RBM19: variants seen among roughly 807,000 people sequenced by gnomAD.
The protein encoded by RBM19 is probable RNA-binding protein 19.
A neutral mutation model predicts 116.8 loss-of-function variants in RBM19; 94 were observed. The ratio of observed to expected loss-of-function variants is 0.80; its 90% CI spans 0.68 to 0.95. The LOEUF (loss-of-function observed/expected upper bound fraction) is 0.95, where lower values mean the gene tolerates loss of function less well. Ranked by LOEUF, RBM19 falls within the 40% of genes least tolerant of loss-of-function variation. RBM19 has a pLI of 0.00. For synonymous variants in RBM19, 475 were observed against 494.1 expected, an observed-to-expected ratio of 0.96 and a Z score of 0.51; for missense variants, 1,161 against 1,220.7, an observed-to-expected ratio of 0.95 and a Z score of 0.73.
intron 14 of RBM19, 48 bp from the exon 15 acceptor site, chr12:113,940,208 TC>T: frequency 1.9e-6 from 3 of 1,541,572 alleles, no homozygotes; most frequent in Non-Finnish European, 1.8e-6. Flanking sequence ...GGGAGGAGGG[TC>T]CCCAGCTGAC....
chr12:113,920,789 T>G, intron 18 of RBM19, 99 bp from the exon 19 acceptor site: 1 of 1,057,248 alleles, frequency 9.5e-7, no homozygotes, highest in Non-Finnish European at 1.4e-6. Flanking sequence ...CTGTATTTCC[T>G]CTTCTTTTCA....
rs748635536 is a variant in RBM19, at chr12:113,825,719, C to A, written c.2786-2398G>T. ...GGACTGGCGAGGGGCGAGTTCTAGC[C>A]CCATCCATTGTGTCGGCTCAACCTG... On this transcript the variant is annotated intron_variant, in intron 23 of 23. Coordinates refer to ENST00000261741, the MANE Select transcript of RBM19 (RefSeq NM_016196.4). The surrounding 1 kb of genome is among the most constrained non-coding windows in gnomAD (Gnocchi z 5.7). Among the ~76,000 whole-genome samples the A allele has an allele frequency of 2.0e-5, 3 of 149,760 alleles. No homozygotes were observed. The highest frequency in any genetic ancestry group is 2.9e-5 in the Non-Finnish European group (2 of 68,002).
intron 20 of RBM19, among the ~76,000 whole-genome samples, chr12:113,916,408 A>G (rs1882777228): frequency 6.6e-6 from 1 of 152,200 alleles, no homozygotes; most frequent in South Asian, 2.1e-4. Flanking sequence ...CTCCGTCTCA[A>G]AAAAATAGAA....
At chr12:113,856,660 C>G (rs921016801) in intron 22 of RBM19, among the ~76,000 whole-genome samples, 1 of 152,166 alleles carries the variant, frequency 6.6e-6, no homozygotes, top group African/African-American at 2.4e-5. Flanking sequence ...GTTGACATCA[C>G]AAGAGGCCCA....
Position 113,947,414 on chromosome 12 carries a change from T to C in RBM19, c.1327A>G (p.Lys443Glu). The part of the protein sequence containing the change: ...YPIDSLTKKP[K>E]GFAFITFMFP... The stretch of plus-strand genomic sequence containing the variant: ...ATGAAGGTGATGAATGCAAAACCCT[T>C]GGGTTTCTTGGTCAGGCTGTCGATG... The change falls in exon 11 of 24, where the codon AAG becomes GAG. Residue 443 changes from lysine (K) to glutamate (E), a missense_variant. By Grantham distance (56) the Lys-to-Glu change is moderately conservative. Coordinates refer to ENST00000261741, the MANE Select transcript of RBM19 (RefSeq NM_016196.4). 3 of 1,610,466 alleles carry C rather than the reference T, an allele frequency of 1.9e-6. No homozygotes were observed. Among genetic ancestry groups the C allele is most frequent in the African/African-American group, 1.3e-5 (1 of 74,998 alleles).
intron 23 of RBM19, among the ~76,000 whole-genome samples, chr12:113,840,903 C>A (rs1358858264): frequency 6.6e-6 from 1 of 152,214 alleles, no homozygotes; most frequent in South Asian, 2.1e-4. Context: ...CTGCCTATAC[C>A]CCCGTAAGCT....
intron 23 of RBM19, among the ~76,000 whole-genome samples, chr12:113,833,047 G>A (rs148686566): frequency 7.2e-5 from 11 of 152,092 alleles, no homozygotes; most frequent in Non-Finnish European, 1.0e-4. Context: ...CCCAGACTTC[G>A]CCCCTGAGCT....
Position 113,952,518 on chromosome 12 carries a change from T to C in RBM19, c.994A>G (p.Lys332Glu). 1.2e-6 allele frequency: 2 copies of C among 1,613,370 alleles called. No homozygotes were observed. Among genetic ancestry groups the C allele is most frequent in the Non-Finnish European group, 1.7e-6 (2 of 1,179,354 alleles). The change falls in exon 8 of 24, where the codon AAA becomes GAA. Residue 332 changes from lysine to glutamate, a missense_variant. Lys to Glu is a moderately conservative substitution (Grantham distance 56). Transcript: ENST00000261741. ...IRIVRNAHGN[K>E]TGYIFVDFSN... is the part of the protein sequence containing the mutation. ...GAAACATCCTGGATCTTACCTGTTT[T>C]ATTCCCATGAGCGTTTCTCACAATT...
At chr12:113,927,496 C>G (rs781659859) in intron 16 of RBM19, 1 of 400,852 alleles carries the variant, frequency 2.5e-6, no homozygotes, top group Middle Eastern at 6.4e-4. Context: ...TTAAACAGGA[C>G]CAGCTCACAC....
intron 3 of RBM19, 77 bp downstream of exon 3, chr12:113,959,982 G>A (rs1367819274): frequency 1.9e-6 from 3 of 1,613,284 alleles, no homozygotes; most frequent in Non-Finnish European, 2.5e-6. Context: ...ACCTGGGAGG[G>A]CCCATCTTTG....
intron 23 of RBM19, among the ~76,000 whole-genome samples, chr12:113,839,049 T>C (rs1347483562): frequency 6.6e-6 from 1 of 152,222 alleles, no homozygotes; most frequent in East Asian, 1.9e-4. Flanking sequence ...CAGAGAGCTC[T>C]TTGTTGTGGC....
At chr12:113,829,791 G>A (rs544700247) in intron 23 of RBM19, among the ~76,000 whole-genome samples, 8 of 152,318 alleles carry the variant, frequency 5.3e-5, no homozygotes, top group Admixed American at 2.0e-4. Flanking sequence ...GGCCCGGCCC[G>A]TTGAGGTGCC....
downstream of RBM19, among the ~76,000 whole-genome samples, chr12:113,819,114 C>T (rs890692320): frequency 4.6e-5 from 7 of 152,182 alleles, no homozygotes; most frequent in Non-Finnish European, 8.8e-5. Context: ...GGGGCCAGGC[C>T]CCTGAGACCC....
intron 21 of RBM19, among the ~76,000 whole-genome samples, chr12:113,869,030 T>C (rs1210603197): frequency 1.3e-5 from 2 of 152,190 alleles, no homozygotes; most frequent in African/African-American, 2.4e-5. Flanking sequence ...CTGGCATGTA[T>C]CAGGAACTGA....
At chr12:113,859,033 C>T (rs1178641196) in intron 21 of RBM19, 137 bp from the exon 22 acceptor site, 2 of 731,408 alleles carry the variant, frequency 2.7e-6, no homozygotes, top group East Asian at 5.4e-5. Context: ...CACGCTCACA[C>T]ATGTCAGCTC....
At chr12:113,891,734 G>A (rs1329446101) in intron 21 of RBM19, among the ~76,000 whole-genome samples, 1 of 152,220 alleles carries the variant, frequency 6.6e-6, no homozygotes, top group East Asian at 1.9e-4. Flanking sequence ...AGAAGCCAAG[G>A]TGATGGTTCA....
rs1882173672 is a variant in RBM19, at chr12:113,907,884, T to C, written c.2558+7085A>G. On this transcript the variant is annotated intron_variant, in intron 21 of 23. Coordinates refer to ENST00000261741, the MANE Select transcript of RBM19 (RefSeq NM_016196.4). The stretch of plus-strand genomic sequence containing the variant: ...TGAGGTTGCAAGCTCTTAACTCTGC[T>C]GCGGAAGCCCCAAAGCACCAGGCAA... Among the ~76,000 whole-genome samples, 8 of 152,300 alleles carry C rather than the reference T, an allele frequency of 5.3e-5. No homozygotes were observed. In the South Asian group the frequency reaches 1.7e-3, roughly 32 times the overall value.
At chr12:113,886,385 T>C (rs939481464) in intron 21 of RBM19, among the ~76,000 whole-genome samples, 3 of 152,182 alleles carry the variant, frequency 2.0e-5, no homozygotes, top group Admixed American at 6.5e-5. Flanking sequence ...CACCCGCCTC[T>C]GCCTCCCGAA....
At position 113,829,133 on chromosome 12, in the gene RBM19, G is replaced by A. The variant is rs187549999; in HGVS notation, c.2786-5812C>T. 5.1e-4 allele frequency among the ~76,000 whole-genome samples: 77 copies of A among 152,266 alleles called. 3 individuals are homozygous for A. The East Asian group carries it at 0.014, about 28-fold the overall frequency. ...GTGCCTCAGCCTCCCAAGTAGCTGG[G>A]ATTACAGGCGTACACCACCAGGCCC... On this transcript the variant is annotated intron_variant, in intron 23 of 23. Coordinates refer to ENST00000261741, the MANE Select transcript of RBM19 (RefSeq NM_016196.4).
Sources: gnomAD v4.1 joint callset for allele counts (sites outside exome capture counted in the v4.1 genomes callset) on GRCh38, gnomAD v4.1.1 for gene constraint, Gnocchi (gnomAD v3.1) non-coding constraint, MANE v1.5 for transcripts, NCBI Gene and HGNC (gene_info 2026-07-23, HGNC 2026-07-21) for gene names.